Variants in NLGN1 observed in about 807,000 individuals in gnomAD.
NLGN1 encodes neuroligin 1.
Under a neutral mutation model 65.5 loss-of-function variants are expected in NLGN1, and 12 were observed. The observed-to-expected ratio is 0.18, with a 90% CI of 0.12 to 0.30. NLGN1 has a LOEUF of 0.30. Ranked by LOEUF, NLGN1 falls within the 10% of genes least tolerant of loss-of-function variation. NLGN1 has a pLI of 1.00. For missense variants in NLGN1, 750 were observed against 1,007.1 expected, an observed-to-expected ratio of 0.74 and a Z score of 3.46; for synonymous variants, 350 against 359.5, an observed-to-expected ratio of 0.97 and a Z score of 0.30.
chr3:173,479,362 A>G (rs1435678267), intron 2 of NLGN1, among the ~76,000 whole-genome samples: 2 of 152,210 alleles, frequency 1.3e-5, no homozygotes, highest in Non-Finnish European at 2.9e-5. Context: ...AAGCCAGAAT[A>G]TATAAACAAA....
intron 2 of NLGN1, among the ~76,000 whole-genome samples, chr3:173,540,192 G>A (rs1023416860): frequency 6.6e-6 from 1 of 152,066 alleles, no homozygotes; most frequent in East Asian, 1.9e-4. Context: ...TTCCCTTATA[G>A]GGACCATTCA....
chr3:174,290,101 C>T (rs565285451), downstream of NLGN1, among the ~76,000 whole-genome samples: 108 of 150,396 alleles, frequency 7.2e-4, 1 homozygote, highest in Middle Eastern at 0.02. Flanking sequence ...CTTAAATTCA[C>T]GGCTATTCCA....
chr3:173,954,923 G>A (rs1481616327), intron 4 of NLGN1, among the ~76,000 whole-genome samples: 1 of 152,032 alleles, frequency 6.6e-6, no homozygotes, highest in Non-Finnish European at 1.5e-5. Flanking sequence ...TCTCCATTAG[G>A]TATCAACAGG....
intron 2 of NLGN1, among the ~76,000 whole-genome samples, chr3:173,497,401 T>A (rs78292492): frequency 0.023 from 3,474 of 149,976 alleles, 56 homozygotes; most frequent in Non-Finnish European, 0.029. Context: ...AATAAATAAA[T>A]AAATAAATAA....
At chr3:174,223,945 C>T (rs1461983213) in intron 4 of NLGN1, among the ~76,000 whole-genome samples, 2 of 152,166 alleles carry the variant, frequency 1.3e-5, no homozygotes, top group African/African-American at 4.8e-5. Flanking sequence ...TCATCAAGAG[C>T]CACAAAGTCC....
intron 4 of NLGN1, among the ~76,000 whole-genome samples, chr3:174,154,010 G>A (rs189789330): frequency 1.8e-4 from 28 of 152,118 alleles, no homozygotes; most frequent in African/African-American, 6.5e-4. Context: ...GAACCACAAT[G>A]TAACCAAAAT....
At chr3:173,688,912 A>G (rs1202507873) in intron 3 of NLGN1, among the ~76,000 whole-genome samples, 1 of 152,186 alleles carries the variant, frequency 6.6e-6, no homozygotes, top group East Asian at 1.9e-4. Context: ...TGAGACTGTC[A>G]AAAAGTTGGG....
At chr3:173,600,685 T>C (rs1750377701) in intron 2 of NLGN1, among the ~76,000 whole-genome samples, 1 of 150,244 alleles carries the variant, frequency 6.7e-6, no homozygotes, top group South Asian at 2.1e-4. Context: ...CATGTATTTA[T>C]TGAACACATG....
At chr3:173,539,786 G>GTACATATATACATATATACA (rs1326369405) in intron 2 of NLGN1, among the ~76,000 whole-genome samples, 1 of 98,000 alleles carries the variant, frequency 1.0e-5, no homozygotes, top group Non-Finnish European at 2.0e-5. Context: ...ACATATATAT[G>GTACATATATACATATATACA]TACATATATA....
chr3:173,682,392 A>C (rs1196727551), intron 3 of NLGN1, among the ~76,000 whole-genome samples: 2 of 151,984 alleles, frequency 1.3e-5, no homozygotes, highest in Admixed American at 1.3e-4. Flanking sequence ...GATCGAGACC[A>C]TCCTGGCTAA....
intron 3 of NLGN1, among the ~76,000 whole-genome samples, chr3:173,626,917 A>G (rs1205292811): frequency 1.3e-5 from 2 of 152,086 alleles, no homozygotes; most frequent in African/African-American, 2.4e-5. Context: ...AAAACTGGCA[A>G]AACTATCCTA....
intron 2 of NLGN1, among the ~76,000 whole-genome samples, chr3:173,510,811 A>G (rs906202562): frequency 6.6e-6 from 1 of 152,188 alleles, no homozygotes; most frequent in African/African-American, 2.4e-5. Flanking sequence ...CACATGTAGG[A>G]TGTATGCTGT....
At chr3:173,416,623 G>A (rs1364136641) in intron 1 of NLGN1, among the ~76,000 whole-genome samples, 1 of 152,092 alleles carries the variant, frequency 6.6e-6, no homozygotes, top group Non-Finnish European at 1.5e-5. Flanking sequence ...TCTGGTAAAA[G>A]ACATGCAAAA....
intron 3 of NLGN1, among the ~76,000 whole-genome samples, chr3:173,737,067 A>G (rs1773887196): frequency 6.6e-6 from 1 of 151,998 alleles, no homozygotes; most frequent in Admixed American, 6.6e-5. Flanking sequence ...CATTTTATTT[A>G]GTAGATCACA....
intron 3 of NLGN1, among the ~76,000 whole-genome samples, chr3:173,789,534 T>C (rs1712173392): frequency 1.3e-5 from 2 of 152,172 alleles, no homozygotes; most frequent in Non-Finnish European, 2.9e-5. Context: ...AAATGAAGGC[T>C]CAGAGATAGA....
intron 4 of NLGN1, among the ~76,000 whole-genome samples, chr3:174,063,916 TG>T (rs1352799186): frequency 6.6e-6 from 1 of 151,940 alleles, no homozygotes; most frequent in African/African-American, 2.4e-5. Context: ...GGGGGCTGGG[TG>T]TATCACCTGA....
intron 4 of NLGN1, chr3:174,136,654 G>A (rs921809794): frequency 2.6e-5 from 4 of 152,062 alleles, no homozygotes; most frequent in Non-Finnish European, 5.9e-5. Context: ...CCAAGAATAA[G>A]CTAGCTCTCT....
intron 4 of NLGN1, among the ~76,000 whole-genome samples, chr3:173,985,003 C>T (rs748281187): frequency 2.0e-5 from 3 of 152,160 alleles, no homozygotes; most frequent in Non-Finnish European, 2.9e-5. Flanking sequence ...GATAGTGCCA[C>T]TGCACTCCAG....
At chr3:173,665,992 G>T (rs1319113235) in intron 3 of NLGN1, among the ~76,000 whole-genome samples, 1 of 152,064 alleles carries the variant, frequency 6.6e-6, no homozygotes, top group East Asian at 1.9e-4. Flanking sequence ...GACAGAAAAT[G>T]GCTATTCATC....
Sources: gnomAD v4.1 joint callset for allele counts (sites outside exome capture counted in the v4.1 genomes callset) on GRCh38, gnomAD v4.1.1 for gene constraint, MANE v1.5 for transcripts, NCBI Gene and HGNC (gene_info 2026-07-23, HGNC 2026-07-21) for gene names.